PTPN4: variants seen among roughly 807,000 people sequenced by gnomAD.
PTPN4 encodes protein tyrosine phosphatase non-receptor type 4.
A neutral mutation model predicts 135.5 loss-of-function variants in PTPN4; 49 were observed. The observed-to-expected ratio is 0.36, with a 90% CI of 0.29 to 0.46. The LOEUF is 0.46. PTPN4 is among the 20% of genes least tolerant of loss of function. The probability of loss-of-function intolerance (pLI) is 1.00; values close to 1 mark genes in which losing one functional copy is unlikely to be tolerated. For missense variants in PTPN4, 860 were observed against 1,101.0 expected (o/e 0.78, Z 3.10); for synonymous variants, 333 against 369.9 (o/e 0.90, Z 1.14).
intron 2 of PTPN4, among the ~76,000 whole-genome samples, chr2:119,826,361 C>T (rs1402429375): frequency 6.6e-6 from 1 of 152,164 alleles, no homozygotes; most frequent in African/African-American, 2.4e-5. Context: ...AGAAAATAAT[C>T]TGTACAAGGA....
intron 3 of PTPN4, among the ~76,000 whole-genome samples, chr2:119,863,856 G>A (rs1464830186): frequency 6.6e-6 from 1 of 152,130 alleles, no homozygotes; most frequent in Non-Finnish European, 1.5e-5. Context: ...CAGGGGCCTA[G>A]AGTTATACTG....
intron 1 of PTPN4, among the ~76,000 whole-genome samples, chr2:119,780,641 G>A (rs114631763): frequency 0.017 from 2,565 of 152,116 alleles, 42 homozygotes; most frequent in Non-Finnish European, 0.027. Context: ...AACATTTTTG[G>A]CAAGAACACT....
At chr2:119,961,139 A>C (rs891455796) in intron 23 of PTPN4, among the ~76,000 whole-genome samples, 186 bp downstream of exon 23, 1 of 152,244 alleles carries the variant, frequency 6.6e-6, no homozygotes, top group Non-Finnish European at 1.5e-5. Context: ...TAAATGTGAC[A>C]TAAGTGTTAG....
At chr2:119,969,261 C>T (rs968257384) in intron 26 of PTPN4, among the ~76,000 whole-genome samples, 35 of 152,270 alleles carry the variant, frequency 2.3e-4, no homozygotes, top group African/African-American at 7.9e-4. Flanking sequence ...TGTCCTGCCA[C>T]CTCAGCCTCC....
intron 8 of PTPN4, 126 bp from the exon 9 acceptor site, chr2:119,885,669 T>C: frequency 1.7e-6 from 1 of 583,228 alleles, no homozygotes; most frequent in Non-Finnish European, 2.9e-6. Context: ...GGAGTAGTCC[T>C]GCATGGTGTT....
chr2:119,763,815 T>C (rs1362341190), intron 1 of PTPN4, among the ~76,000 whole-genome samples: 1 of 152,194 alleles, frequency 6.6e-6, no homozygotes, highest in East Asian at 1.9e-4. Flanking sequence ...AATTTAAATT[T>C]ATAGCCAGAT....
intron 2 of PTPN4, among the ~76,000 whole-genome samples, chr2:119,822,420 G>A (rs111878191): frequency 0.026 from 3,728 of 142,394 alleles, 161 homozygotes; most frequent in African/African-American, 0.091. Context: ...GTGCAGTGGC[G>A]TGATCTCAGC....
chr2:119,952,496 G>T (rs923434856), intron 19 of PTPN4, among the ~76,000 whole-genome samples: 1 of 152,016 alleles, frequency 6.6e-6, no homozygotes, highest in African/African-American at 2.4e-5. Flanking sequence ...TCTTCAGAAG[G>T]GCTTTCTCTC....
At chr2:119,967,562 C>G (rs561693815) in intron 25 of PTPN4, among the ~76,000 whole-genome samples, 2 of 152,164 alleles carry the variant, frequency 1.3e-5, no homozygotes, top group African/African-American at 4.8e-5. Context: ...CAGTAAGCTT[C>G]TATTCCTTGT....
chr2:119,783,775 G>A (rs1690992069), intron 1 of PTPN4, among the ~76,000 whole-genome samples: 1 of 152,198 alleles, frequency 6.6e-6, no homozygotes, highest in African/African-American at 2.4e-5. Flanking sequence ...TTAAGTTATT[G>A]TTGCTGCATA....
At chr2:119,802,142 A>G (rs949889042) in intron 1 of PTPN4, among the ~76,000 whole-genome samples, 1 of 151,890 alleles carries the variant, frequency 6.6e-6, no homozygotes, top group African/African-American at 2.4e-5. Flanking sequence ...TGACCTTGTA[A>G]TCCGCCTGCC....
intron 2 of PTPN4, among the ~76,000 whole-genome samples, chr2:119,846,552 AT>A (rs544118988): frequency 1.5e-3 from 210 of 139,540 alleles, no homozygotes; most frequent in Admixed American, 1.5e-3. Context: ...CTTGCGTCTT[AT>A]TTTTTTTTTT....
chr2:119,922,249 G>A (rs1391477315), intron 12 of PTPN4, among the ~76,000 whole-genome samples: 8 of 151,044 alleles, frequency 5.3e-5, no homozygotes, highest in Admixed American at 3.3e-4. Flanking sequence ...AAGATCGGCC[G>A]GGAAGGGAGC....
At chr2:119,956,983 T>C (rs752733792) in intron 21 of PTPN4, 33 bp from the exon 22 acceptor site, 1 of 1,605,044 alleles carries the variant, frequency 6.2e-7, no homozygotes, top group African/African-American at 1.3e-5. Flanking sequence ...AACATAACTT[T>C]ACTAAAACAT....
intron 25 of PTPN4, among the ~76,000 whole-genome samples, chr2:119,966,582 A>T (rs1679449448): frequency 6.6e-6 from 1 of 152,106 alleles, no homozygotes; most frequent in Admixed American, 6.5e-5. Context: ...ATATTATCAC[A>T]TTGGTGATTA....
In PTPN4 at chr2:119,955,231, G is replaced by T. The variant is rs1422412717; in HGVS notation, c.1888G>T (p.Asp630Tyr). ...GTATATTCCTGAGAAAGCCCCACTA[G>T]ATAGTGTGCATCAGGATGACCATTC... is the stretch of plus-strand genomic sequence containing the variant. ...FQYIPEKAPL[D>Y]SVHQDDHSLR... Residue 630 changes from aspartate to tyrosine, a missense_variant, in exon 20 of 27, where the codon GAT becomes TAT. Asp to Tyr is a radical substitution (Grantham distance 160, BLOSUM62 -3). This residue lies in a region of PTPN4 where 684 missense variants were observed against 807.0 expected (regional missense o/e 0.85). Transcript: ENST00000263708. The T allele has an allele frequency of 1.2e-6, 2 of 1,613,480 alleles. No individual in the cohort carries two copies. Among genetic ancestry groups the T allele is most frequent in the Non-Finnish European group, 1.7e-6 (2 of 1,179,842 alleles).
intron 11 of PTPN4, among the ~76,000 whole-genome samples, chr2:119,917,810 C>G (rs1312740619): frequency 6.6e-6 from 1 of 152,172 alleles, no homozygotes; most frequent in Non-Finnish European, 1.5e-5. Flanking sequence ...TGTTTTCTCT[C>G]TAAAACATCT....
intron 2 of PTPN4, among the ~76,000 whole-genome samples, chr2:119,843,512 C>T (rs1246265309): frequency 7.4e-4 from 92 of 124,626 alleles, no homozygotes; most frequent in African/African-American, 2.8e-3. Flanking sequence ...GGGCACACCT[C>T]CCAGACGGGG....
intron 2 of PTPN4, among the ~76,000 whole-genome samples, chr2:119,830,949 G>A (rs527935192): frequency 2.6e-5 from 4 of 152,180 alleles, no homozygotes; most frequent in Admixed American, 1.3e-4. Context: ...CCCAGTCTTG[G>A]GTATTTCTTT....
Sources: allele counts gnomAD v4.1 joint callset (sites outside exome capture counted in the v4.1 genomes callset), GRCh38; gene constraint gnomAD v4.1.1; regional missense constraint gnomAD v4.1.1; transcripts MANE v1.5; gene names NCBI Gene and HGNC (gene_info 2026-07-23, HGNC 2026-07-21).